Variants in DDI2 observed in about 807,000 individuals in gnomAD.
DDI2 encodes protein DDI1 homolog 2.
DDI2 carries 5 observed loss-of-function variants against 48.1 expected under a neutral mutation model. The ratio of observed to expected loss-of-function variants is 0.10; its 90% CI spans 0.05 to 0.22. The LOEUF (loss-of-function observed/expected upper bound fraction) is 0.22. Ranked by LOEUF, DDI2 falls within the 10% of genes least tolerant of loss-of-function variation. The pLI is 1.00. For synonymous variants in DDI2, 205 were observed against 183.6 expected (o/e 1.12, Z -0.94); for missense variants, 285 against 506.2 (o/e 0.56, Z 4.19).
chr1:15,647,168 A>G (rs955952537), intron 6 of DDI2, among the ~76,000 whole-genome samples: 1 of 151,092 alleles, frequency 6.6e-6, no homozygotes, highest in Non-Finnish European at 1.5e-5. Context: ...TTTTTTTTGA[A>G]ACAGAGTCTC....
chr1:15,633,430 T>C lies in DDI2; in HGVS notation c.506-9T>C, dbSNP rs369245119. ...TGATATTTAAGATTTTTCTCCCTTA[T>C]TTTTGTAGAGAAATTTTCTAGAGTC... On this transcript the variant is annotated splice_polypyrimidine_tract_variant and intron_variant, in intron 3 of 9. Transcript: ENST00000480945. 3.7e-6 allele frequency: 6 copies of C among 1,609,804 alleles called. No individual in the cohort carries two copies. In the African/African-American group the frequency reaches 4.0e-5, roughly 11 times the overall value.
intron 4 of DDI2, among the ~76,000 whole-genome samples, chr1:15,634,638 G>A (rs960700034): frequency 1.4e-5 from 2 of 143,166 alleles, no homozygotes; most frequent in African/African-American, 2.6e-5. Context: ...AGACTGAGGT[G>A]TTCTCACCTT....
In DDI2 at chr1:15,660,343, C is replaced by G; in HGVS notation, c.*553C>G. ...GGATTGGCATCCAGAAAATCAGAAC[C>G]TGAGTCAAGTGAGTGACCCTCAGCA... On this transcript the variant is annotated 3_prime_UTR_variant, in exon 10 of 10. Transcript: ENST00000480945. The G allele has an allele frequency of 1.9e-6, 3 of 1,614,134 alleles. No homozygotes were observed. Among genetic ancestry groups the G allele is most frequent in the Non-Finnish European group, 2.5e-6 (3 of 1,180,022 alleles).
At chr1:15,658,798 T>A (rs1640314214) in intron 9 of DDI2, among the ~76,000 whole-genome samples, 1 of 151,862 alleles carries the variant, frequency 6.6e-6, no homozygotes, top group African/African-American at 2.4e-5. Flanking sequence ...TAGAGGTCAA[T>A]TTTTAACTGG....
intron 6 of DDI2, among the ~76,000 whole-genome samples, chr1:15,644,585 TTG>T (rs1459666395): frequency 0.018 from 2,117 of 119,170 alleles, 216 homozygotes; most frequent in African/African-American, 0.047. Context: ...TCAGTTTTTT[TTG>T]TTTTTTTTTT....
At chr1:15,638,467 C>T (rs768460876) in intron 5 of DDI2, 33 bp downstream of exon 5, 20 of 1,610,108 alleles carry the variant, frequency 1.2e-5, no homozygotes, top group Non-Finnish European at 1.7e-5. Context: ...CTTGGTCTCC[C>T]CTCCAACATC....
Position 15,649,802 on chromosome 1 carries a change from G to C in DDI2, c.972G>C (p.Leu324=). The C allele has an allele frequency of 6.2e-7, 1 of 1,612,182 alleles. No individual in the cohort carries two copies. The highest frequency in any genetic ancestry group is 8.5e-7 in the Non-Finnish European group (1 of 1,179,344). The change falls in exon 7 of 10, where the codon CTG becomes CTC. Residue 324 remains leucine (L), a synonymous_variant. Coordinates refer to ENST00000480945, the MANE Select transcript of DDI2 (RefSeq NM_032341.5). ...EEQPMDMLLG[L]DMLKRHQCSI... ...AGCCCATGGACATGCTTCTGGGACT[G>C]GACATGCTTAAACGGCACCAGGTAA...
intron 1 of DDI2, among the ~76,000 whole-genome samples, chr1:15,621,445 T>C (rs1235793904): frequency 6.6e-6 from 1 of 152,116 alleles, no homozygotes; most frequent in Non-Finnish European, 1.5e-5. Flanking sequence ...TAGGCAGTAG[T>C]GCGCTCACAG....
intron 8 of DDI2, 36 bp downstream of exon 8, chr1:15,651,931 T>C: frequency 6.3e-7 from 1 of 1,594,172 alleles, no homozygotes; most frequent in Non-Finnish European, 8.6e-7. Context: ...ATACTTGTTA[T>C]TGATGGGTAA....
chr1:15,634,626 C>G (rs1008660601), intron 4 of DDI2, among the ~76,000 whole-genome samples: 1 of 145,564 alleles, frequency 6.9e-6, no homozygotes, highest in African/African-American at 2.6e-5. Flanking sequence ...TGGACCTCCC[C>G]GAGACTGAGG....
chr1:15,636,691 C>T (rs929407761), intron 4 of DDI2, among the ~76,000 whole-genome samples: 1 of 152,166 alleles, frequency 6.6e-6, no homozygotes, highest in African/African-American at 2.4e-5. Context: ...AACTCCTGGC[C>T]TCAAGTGATC....
At position 15,633,484 on chromosome 1, in the gene DDI2, G is replaced by A. The variant is rs769099374; in HGVS notation, c.551G>A (p.Arg184Gln). The A allele has an allele frequency of 1.2e-5, 20 of 1,613,532 alleles. No homozygotes were observed. The highest frequency in any genetic ancestry group is 2.2e-5 in the East Asian group (1 of 44,872). ...GTGGAGCAGCAGCAGGACCGAGCCC[G>A]GAGAGAGCAAGAAAGGATTCGTCTG... ...VLVEQQQDRA[R>Q]REQERIRLFS... The change falls in exon 4 of 10, where the codon CGG becomes CAG. Residue 184 changes from arginine to glutamine, a missense_variant. Physicochemically the swap from Arg to Gln is conservative, Grantham distance 43. Coordinates refer to ENST00000480945, the MANE Select transcript of DDI2 (RefSeq NM_032341.5).
chr1:15,621,468 T>C (rs1639663621), intron 1 of DDI2, among the ~76,000 whole-genome samples: 1 of 152,048 alleles, frequency 6.6e-6, no homozygotes, highest in Non-Finnish European at 1.5e-5. Flanking sequence ...CACTGTAGCC[T>C]CAACCTCCTG....
At chr1:15,642,427 T>TG (rs1458468440) in intron 5 of DDI2, among the ~76,000 whole-genome samples, 1 of 152,170 alleles carries the variant, frequency 6.6e-6, no homozygotes, top group Non-Finnish European at 1.5e-5. Flanking sequence ...TGTCCCAGTG[T>TG]GGGGTTTTTG....
intron 1 of DDI2, among the ~76,000 whole-genome samples, chr1:15,624,045 TCC>T (rs1639713913): frequency 6.6e-6 from 1 of 152,144 alleles, no homozygotes; most frequent in African/African-American, 2.4e-5. Flanking sequence ...AGAGCGAGAC[TCC>T]GTCTCAAAAT....
chr1:15,621,292 A>C (rs1294767404), intron 1 of DDI2, among the ~76,000 whole-genome samples: 1 of 152,216 alleles, frequency 6.6e-6, no homozygotes, highest in Admixed American at 6.5e-5. Flanking sequence ...TAGGCACAAC[A>C]TACAAGGACC....
Position 15,666,327 on chromosome 1 carries a change from G to C in DDI2, c.*6537G>C, listed in dbSNP as rs1370530167. ...GGTGGGGAATGAGAGGAGTATTAGGGGAAAGTTTGAAAATAGCTCTCCTGG... is the reference window on the plus strand; with the variant it reads ...GGTGGGGAATGAGAGGAGTATTAGGCGAAAGTTTGAAAATAGCTCTCCTGG... On this transcript the variant is annotated 3_prime_UTR_variant, in exon 10 of 10. Transcript: ENST00000480945. 6.6e-6 allele frequency: 1 copy of C among 152,114 alleles called. No homozygotes were observed. The highest frequency in any genetic ancestry group is 1.5e-5 in the Non-Finnish European group (1 of 68,028). 9.4% of individuals were successfully genotyped at this position (152,114 alleles called of 1,614,324 possible). A position where few individuals can be genotyped will look rare whatever the true frequency, so the allele number is the denominator to read the frequency against.
At position 15,666,057 on chromosome 1, in the gene DDI2, G is replaced by A. The variant is rs1412010019; in HGVS notation, c.*6267G>A. Reference sequence around the variant, plus strand: ...AAGATGAATGTTACCTTTTGTGTTAGGAGGTAGAGAAAATAAAAATAGCTT... The same window carrying A: ...AAGATGAATGTTACCTTTTGTGTTAAGAGGTAGAGAAAATAAAAATAGCTT... On this transcript the variant is annotated 3_prime_UTR_variant, in exon 10 of 10. Transcript: ENST00000480945. 6.6e-6 allele frequency: 1 copy of A among 151,874 alleles called. No individual in the cohort carries two copies. Among genetic ancestry groups the A allele is most frequent in the African/African-American group, 2.4e-5 (1 of 41,174 alleles). 9.4% of individuals were successfully genotyped at this position (151,874 alleles called of 1,614,324 possible). A position where few individuals can be genotyped will look rare whatever the true frequency, so the allele number is the denominator to read the frequency against.
chr1:15,648,741 C>T (rs767150161), intron 6 of DDI2, among the ~76,000 whole-genome samples: 2 of 145,142 alleles, frequency 1.4e-5, no homozygotes, highest in Non-Finnish European at 3.0e-5. Context: ...CACACAAAAG[C>T]AAATTCAGAG....
Sources: gnomAD v4.1 joint callset for allele counts (sites outside exome capture counted in the v4.1 genomes callset) on GRCh38, gnomAD v4.1.1 for gene constraint, MANE v1.5 for transcripts, NCBI Gene and HGNC (gene_info 2026-07-23, HGNC 2026-07-21) for gene names.